Variants in VPS13B observed in about 807,000 individuals in gnomAD.
The protein encoded by VPS13B is vacuolar protein sorting 13 homolog B, also known as intermembrane lipid transfer protein VPS13B.
A neutral mutation model predicts 426.4 loss-of-function variants in VPS13B; 285 were observed. That is an observed-to-expected ratio of 0.67 (90% CI 0.61 to 0.74). The LOEUF (loss-of-function observed/expected upper bound fraction) is 0.74. Ranked by LOEUF, VPS13B falls within the 30% of genes least tolerant of loss-of-function variation. The pLI is 0.00. For missense variants in VPS13B, 4,537 were observed against 4,782.6 expected, an observed-to-expected ratio of 0.95 and a Z score of 1.51; for synonymous variants, 1,676 against 1,676.4, an observed-to-expected ratio of 1.00 and a Z score of 0.01.
At chr8:99,182,888 C>T (rs1213825619) in intron 16 of VPS13B, among the ~76,000 whole-genome samples, 1 of 152,160 alleles carries the variant, frequency 6.6e-6, no homozygotes, top group African/African-American at 2.4e-5. Context: ...AGGAACCCAC[C>T]CCCATGTCTG....
chr8:99,067,045 G>T (rs1036646809), intron 3 of VPS13B, among the ~76,000 whole-genome samples: 16 of 152,150 alleles, frequency 1.1e-4, no homozygotes, highest in Non-Finnish European at 8.8e-5. Flanking sequence ...AGTGTTGGTG[G>T]GAGTGTAAAT....
intron 15 of VPS13B, among the ~76,000 whole-genome samples, chr8:99,163,689 C>G (rs530513197): frequency 6.6e-6 from 1 of 152,230 alleles, no homozygotes; most frequent in African/African-American, 2.4e-5. Context: ...GCTGGCTGCT[C>G]TGAGTGCGGA....
chr8:99,086,287 T>C (rs891979326), intron 3 of VPS13B, among the ~76,000 whole-genome samples: 1 of 152,212 alleles, frequency 6.6e-6, no homozygotes, highest in African/African-American at 2.4e-5. Context: ...ATGTAGTTCT[T>C]GTGCCTTGGT....
intron 35 of VPS13B, among the ~76,000 whole-genome samples, chr8:99,689,605 C>G (rs954760703): frequency 1.3e-5 from 2 of 152,102 alleles, no homozygotes; most frequent in Non-Finnish European, 2.9e-5. Context: ...ATCACTTGAG[C>G]CTGGGAGTTT....
chr8:99,633,751 T>C (rs2133915832), intron 33 of VPS13B, among the ~76,000 whole-genome samples: 1 of 151,622 alleles, frequency 6.6e-6, no homozygotes, highest in East Asian at 1.9e-4. Context: ...CAGGTTGTTG[T>C]TTCTTATGTA....
At chr8:99,015,996 A>G (rs1038999551) in intron 2 of VPS13B, among the ~76,000 whole-genome samples, 6 of 152,236 alleles carry the variant, frequency 3.9e-5, no homozygotes, top group South Asian at 2.1e-4. Context: ...TGAACCTCAA[A>G]AAAATTGGAA....
intron 19 of VPS13B, among the ~76,000 whole-genome samples, chr8:99,277,802 T>G (rs994664979): frequency 1.3e-5 from 2 of 152,216 alleles, no homozygotes; most frequent in African/African-American, 4.8e-5. Flanking sequence ...GGGCAGGACG[T>G]TTTGTCTCTT....
At chr8:99,558,953 T>C (rs1563795633) in intron 31 of VPS13B, among the ~76,000 whole-genome samples, 1 of 152,202 alleles carries the variant, frequency 6.6e-6, no homozygotes, top group South Asian at 2.1e-4. Context: ...TCAAATGGTA[T>C]TTCTAGTTCT....
chr8:99,081,761 T>A (rs1167396594), intron 3 of VPS13B, among the ~76,000 whole-genome samples: 1 of 152,184 alleles, frequency 6.6e-6, no homozygotes, highest in Admixed American at 6.5e-5. Flanking sequence ...GGTTTCCAAC[T>A]TCATCCATGT....
At position 99,582,686 on chromosome 8, in the gene VPS13B, C is replaced by G. The variant is rs545427657; in HGVS notation, c.5220+5053C>G. 3.9e-5 allele frequency among the ~76,000 whole-genome samples: 6 copies of G among 151,978 alleles called. No individual in the cohort carries two copies. The East Asian group carries it at 1.2e-3, about 29-fold the overall frequency. ...TTTTTCTTTTTTTGAGATGGAGTCT[C>G]GCTCTGTCTCCCAGGCAGGAGTGCA... is the stretch of plus-strand genomic sequence containing the variant. On this transcript the variant is annotated intron_variant, in intron 33 of 61. Transcript: ENST00000357162.
At chr8:99,501,969 CT>C in intron 26 of VPS13B, 111 bp downstream of exon 26, 1 of 1,234,778 alleles carries the variant, frequency 8.1e-7, no homozygotes. Flanking sequence ...GTCTGTCTGT[CT>C]GTCTTTCCGT....
intron 17 of VPS13B, among the ~76,000 whole-genome samples, chr8:99,207,498 T>C (rs1814797695): frequency 6.6e-6 from 1 of 152,158 alleles, no homozygotes; most frequent in Non-Finnish European, 1.5e-5. Context: ...AAAGAAAATA[T>C]ATAAAGTGTA....
chr8:99,082,429 G>T (rs1219421974), intron 3 of VPS13B, among the ~76,000 whole-genome samples: 1 of 152,084 alleles, frequency 6.6e-6, no homozygotes. Flanking sequence ...TCACTCTGAT[G>T]GTGGTTTCTT....
intron 19 of VPS13B, among the ~76,000 whole-genome samples, chr8:99,342,940 A>G (rs1417393962): frequency 6.6e-6 from 1 of 152,020 alleles, no homozygotes; most frequent in East Asian, 1.9e-4. Context: ...AAGCCTTTCT[A>G]ATGGGTATTA....
chr8:99,215,246 A>G (rs917936051), intron 17 of VPS13B, among the ~76,000 whole-genome samples: 2 of 152,216 alleles, frequency 1.3e-5, no homozygotes, highest in African/African-American at 2.4e-5. Context: ...CCTGCCTGAC[A>G]CCATGTGTTG....
At position 99,877,215 on chromosome 8, in the gene VPS13B, T is replaced by C. The variant is rs954725820; in HGVS notation, c.*1549T>C. On this transcript the variant is annotated 3_prime_UTR_variant, in exon 62 of 62. Transcript: ENST00000357162. ...GCATAAGAAGTCACTATATAATTGT[T>C]ACTGGAAAGCAAGACTTAACGAACA... The C allele has an allele frequency of 6.6e-6, 1 of 152,476 alleles. No individual in the cohort carries two copies. The highest frequency in any genetic ancestry group is 1.5e-5 in the Non-Finnish European group (1 of 68,038). The allele number at this position is 152,476 out of a possible 1,614,324, so 9.4% of individuals were successfully genotyped here.
At chr8:99,624,007 A>ATATATATATATATATATATTT (rs1206203704) in intron 33 of VPS13B, among the ~76,000 whole-genome samples, 1 of 101,122 alleles carries the variant, frequency 9.9e-6, no homozygotes, top group African/African-American at 4.4e-5. Context: ...ATATATATAT[A>ATATATATATATATATATATTT]TTTTTTTTTT....
intron 30 of VPS13B, among the ~76,000 whole-genome samples, chr8:99,555,568 T>A (rs1824514706): frequency 6.6e-6 from 1 of 152,152 alleles, no homozygotes; most frequent in South Asian, 2.1e-4. Flanking sequence ...GATCATCTAC[T>A]TTAAAACTTT....
intron 23 of VPS13B, among the ~76,000 whole-genome samples, chr8:99,448,111 G>T (rs1269553551): frequency 6.9e-6 from 1 of 144,930 alleles, no homozygotes; most frequent in Non-Finnish European, 1.5e-5. Context: ...ATATTCTCAG[G>T]TGGTTTTATT....
Sources: allele counts gnomAD v4.1 joint callset (sites outside exome capture counted in the v4.1 genomes callset), GRCh38; gene constraint gnomAD v4.1.1; transcripts MANE v1.5; gene names NCBI Gene and HGNC (gene_info 2026-07-23, HGNC 2026-07-21).